The following FHIP2A variants were observed in gnomAD, a reference collection of about 807,000 sequenced individuals.
FHIP2A encodes the protein FHF complex subunit HOOK interacting protein 2A.
In FHIP2A, 46 loss-of-function variants were observed where a neutral mutation model predicts 93.5. The ratio of observed to expected loss-of-function variants is 0.49; its 90% CI spans 0.39 to 0.63. The LOEUF (loss-of-function observed/expected upper bound fraction) is 0.63. FHIP2A is among the 20% of genes least tolerant of loss of function. FHIP2A has a pLI of 0.00. For missense variants in FHIP2A, 769 were observed against 909.7 expected, an observed-to-expected ratio of 0.85 and a Z score of 1.99; for synonymous variants, 332 against 326.5, an observed-to-expected ratio of 1.02 and a Z score of -0.18.
At chr10:114,866,162 G>T (rs1476874482), downstream of FHIP2A, among the ~76,000 whole-genome samples, 1 of 145,832 alleles carries the variant, frequency 6.9e-6, no homozygotes. Context: ...AGTGTGTGTT[G>T]TTTCCCGCCC....
chr10:114,836,298 A>G, intron 5 of FHIP2A, 52 bp downstream of exon 5: 1 of 1,374,700 alleles, frequency 7.3e-7, no homozygotes. Context: ...TAAGATCATT[A>G]TGAAAATTGA....
At chr10:114,866,640 CA>C (rs920468469), downstream of FHIP2A, among the ~76,000 whole-genome samples, 8 of 151,928 alleles carry the variant, frequency 5.3e-5, no homozygotes, top group East Asian at 1.9e-4. Flanking sequence ...GCTAGGAACA[CA>C]AAAAAATGAT....
At position 114,863,138 on chromosome 10, in the gene FHIP2A, T is replaced by G. The variant is rs1333079158; in HGVS notation, c.*1598T>G. 3 of 979,512 alleles carry G rather than the reference T, an allele frequency of 3.1e-6. No individual in the cohort carries two copies. In the African/African-American group the frequency reaches 5.3e-5, roughly 17 times the overall value. 60.7% of individuals were successfully genotyped at this position (979,512 alleles called of 1,614,324 possible). On this transcript the variant is annotated 3_prime_UTR_variant, in exon 17 of 17. Transcript: ENST00000369248. ...TTTCATGCAAATCTTTGTTAGCTTA[T>G]TCTAAGAAATTTATTAAGTAAAACA...
chr10:114,844,336 C>T (rs1350985692), intron 7 of FHIP2A, among the ~76,000 whole-genome samples: 1 of 152,158 alleles, frequency 6.6e-6, no homozygotes, highest in East Asian at 1.9e-4. Flanking sequence ...TCTTTCACCT[C>T]TTCTTCCTAC....
At chr10:114,837,759 T>C (rs1344577412) in intron 5 of FHIP2A, among the ~76,000 whole-genome samples, 3 of 152,212 alleles carry the variant, frequency 2.0e-5, no homozygotes, top group Non-Finnish European at 4.4e-5. Context: ...AATAGTTTTC[T>C]CTTTCCCAAA....
At chr10:114,893,730 G>T (rs555113061) in intron 16 of FHIP2A, among the ~76,000 whole-genome samples, 2 of 152,196 alleles carry the variant, frequency 1.3e-5, no homozygotes, top group South Asian at 4.1e-4. Context: ...GAGTGTGTGT[G>T]TGTGTATGTA....
chr10:114,827,306 T>C (rs1028053702), intron 1 of FHIP2A, among the ~76,000 whole-genome samples: 1 of 152,212 alleles, frequency 6.6e-6, no homozygotes, highest in South Asian at 2.1e-4. Flanking sequence ...GTGACTTCTG[T>C]GTTATTTATG....
intron 16 of FHIP2A, among the ~76,000 whole-genome samples, chr10:114,874,270 T>G (rs1251766874): frequency 6.6e-6 from 1 of 151,912 alleles, no homozygotes; most frequent in Non-Finnish European, 1.5e-5. Context: ...CTTTAATTTT[T>G]TTTCCCAAAG....
intron 16 of FHIP2A, among the ~76,000 whole-genome samples, chr10:114,888,230 T>C (rs538782121): frequency 1.3e-5 from 2 of 152,312 alleles, no homozygotes; most frequent in South Asian, 4.1e-4. Context: ...TCCTTGTTGG[T>C]TTCTATAACT....
intron 9 of FHIP2A, 21 bp downstream of exon 9, chr10:114,846,110 T>G: frequency 6.2e-7 from 1 of 1,613,092 alleles, no homozygotes; most frequent in Non-Finnish European, 8.5e-7. Flanking sequence ...TGTTTTCTTT[T>G]GAAAAAAACC....
At position 114,825,623 on chromosome 10, in the gene FHIP2A, G is replaced by A. The variant is rs192878019; in HGVS notation, c.45+3500G>A. On this transcript the variant is annotated intron_variant, in intron 1 of 16. Coordinates refer to ENST00000369248, the MANE Select transcript of FHIP2A (RefSeq NM_020940.4). ...GTCTTCTCTCAGTACAGAAATGATT[G>A]GCCAGTAAGAGTCTTATGAAATGAA... Among the ~76,000 whole-genome samples the A allele has an allele frequency of 1.8e-3, 268 of 152,244 alleles. 2 individuals carry two copies. The highest frequency in any genetic ancestry group is 2.7e-3 in the Admixed American group (41 of 15,292).
At chr10:114,892,552 C>T (rs1213426251) in intron 16 of FHIP2A, among the ~76,000 whole-genome samples, 4 of 152,030 alleles carry the variant, frequency 2.6e-5, no homozygotes, top group Non-Finnish European at 4.4e-5. Flanking sequence ...GCAGGAGAAT[C>T]GCCTGAACCC....
intron 6 of FHIP2A, 77 bp downstream of exon 6, chr10:114,843,303 T>A: frequency 1.0e-6 from 1 of 996,454 alleles, no homozygotes; most frequent in Non-Finnish European, 1.3e-6. Flanking sequence ...TAATTTTAAT[T>A]TTTAATTTAT....
intron 10 of FHIP2A, 72 bp from the exon 11 acceptor site, chr10:114,846,487 C>T (rs2083702069): frequency 6.8e-7 from 1 of 1,461,160 alleles, no homozygotes; most frequent in Admixed American, 2.2e-5. Flanking sequence ...GAAAGCATGA[C>T]TCACAAGATG....
At chr10:114,841,200 G>A (rs1196094555) in intron 5 of FHIP2A, among the ~76,000 whole-genome samples, 1 of 150,836 alleles carries the variant, frequency 6.6e-6, no homozygotes, top group African/African-American at 2.4e-5. Flanking sequence ...TCCTCTTGCT[G>A]TTCTTATTTG....
chr10:114,832,771 G>T (rs1181158924), intron 2 of FHIP2A, among the ~76,000 whole-genome samples: 5 of 149,096 alleles, frequency 3.4e-5, no homozygotes, highest in African/African-American at 1.2e-4. Context: ...ACGTTCAGTG[G>T]TGCGATCTCT....
chr10:114,863,793 ACT>A lies in FHIP2A; in HGVS notation c.*2254_*2255del. 8.1e-7 allele frequency: 1 copy of A among 1,227,044 alleles called. No individual in the cohort carries two copies. Among genetic ancestry groups the A allele is most frequent in the Non-Finnish European group, 1.0e-6 (1 of 955,414 alleles). 76.0% of individuals were successfully genotyped at this position (1,227,044 alleles called of 1,614,324 possible). A position where few individuals can be genotyped will look rare whatever the true frequency, so the allele number is the denominator to read the frequency against. On this transcript the variant is annotated 3_prime_UTR_variant, in exon 17 of 17. Coordinates refer to ENST00000369248, the MANE Select transcript of FHIP2A (RefSeq NM_020940.4). The stretch of plus-strand genomic sequence containing the variant: ...CTTGCAAAAACAGTAACTAAAATGC[ACT>A]ATGCTGAGTGGAAAGCACCGTCATA...
intron 3 of FHIP2A, 109 bp from the exon 4 acceptor site, chr10:114,835,428 A>T (rs570838280): frequency 1.7e-6 from 1 of 598,722 alleles, no homozygotes; most frequent in South Asian, 2.5e-5. Context: ...TGTCTTTTCA[A>T]GGTGGAATAC....
chr10:114,884,890 G>A (rs1363002075), intron 16 of FHIP2A, among the ~76,000 whole-genome samples: 2 of 148,350 alleles, frequency 1.3e-5, no homozygotes, highest in Non-Finnish European at 3.0e-5. Context: ...TTCCAGCCTG[G>A]GCGACAGAGT....
Sources: allele counts gnomAD v4.1 joint callset (sites outside exome capture counted in the v4.1 genomes callset), GRCh38; gene constraint gnomAD v4.1.1; transcripts MANE v1.5; gene names NCBI Gene and HGNC (gene_info 2026-07-23, HGNC 2026-07-21).